Variants in FBXL20 observed in about 807,000 individuals in gnomAD.
FBXL20 encodes the protein F-box/LRR-repeat protein 20.
A neutral mutation model predicts 64.0 loss-of-function variants in FBXL20; 11 were observed. That is an observed-to-expected ratio of 0.17 (90% CI 0.11 to 0.28). FBXL20 has a LOEUF of 0.28. FBXL20 is among the 10% of genes least tolerant of loss of function. FBXL20 has a pLI of 1.00. For synonymous variants in FBXL20, 184 were observed against 189.0 expected (o/e 0.97, Z 0.22); for missense variants, 303 against 526.2 (o/e 0.58, Z 4.15).
intron 10 of FBXL20, among the ~76,000 whole-genome samples, chr17:39,274,671 C>T (rs1345735045): frequency 6.6e-6 from 1 of 152,134 alleles, no homozygotes; most frequent in African/African-American, 2.4e-5. Flanking sequence ...AAGAATTATA[C>T]AAAAGCATTA....
intron 2 of FBXL20, among the ~76,000 whole-genome samples, chr17:39,318,736 A>C (rs1175786044): frequency 1.3e-5 from 2 of 151,812 alleles, no homozygotes; most frequent in Non-Finnish European, 2.9e-5. Context: ...GCCAAACTCC[A>C]TCTTAAACAA....
chr17:39,274,057 T>C (rs2046869967), intron 10 of FBXL20, among the ~76,000 whole-genome samples: 1 of 152,074 alleles, frequency 6.6e-6, no homozygotes, highest in Middle Eastern at 3.4e-3. Context: ...TTATTTTTTG[T>C]AGTGACAGGG....
At chr17:39,289,186 G>C (rs938822535) in intron 6 of FBXL20, among the ~76,000 whole-genome samples, 1 of 152,104 alleles carries the variant, frequency 6.6e-6, no homozygotes, top group Non-Finnish European at 1.5e-5. Context: ...AAATCAGGTA[G>C]TATAAGTCCC....
intron 2 of FBXL20, among the ~76,000 whole-genome samples, chr17:39,329,719 C>T (rs1156747714): frequency 6.6e-6 from 1 of 152,042 alleles, no homozygotes; most frequent in African/African-American, 2.4e-5. Flanking sequence ...GAAAAAAGGT[C>T]GGGTATGGTG....
intron 6 of FBXL20, 29 bp from the exon 7 acceptor site, chr17:39,285,602 G>T: frequency 7.0e-7 from 1 of 1,429,680 alleles, no homozygotes; most frequent in South Asian, 1.3e-5. Context: ...AGAAAATAAT[G>T]AATAAACAAG....
intron 1 of FBXL20, 126 bp downstream of exon 1, chr17:39,401,235 T>C (rs937810786): frequency 3.1e-5 from 49 of 1,557,036 alleles, no homozygotes; most frequent in Non-Finnish European, 4.2e-5. Context: ...GAGCGGAGTC[T>C]GGCAGCCCCG....
intron 1 of FBXL20, among the ~76,000 whole-genome samples, chr17:39,369,713 T>C (rs1440718085): frequency 6.6e-6 from 1 of 151,952 alleles, no homozygotes; most frequent in Non-Finnish European, 1.5e-5. Context: ...GGTATGATCA[T>C]TTCTCACTGC....
At position 39,303,443 on chromosome 17, in the gene FBXL20, GGGTATGTCATT is replaced by G; in HGVS notation, c.159+131_159+141del. 8.4e-6 allele frequency: 5 copies of G among 597,474 alleles called. No individual in the cohort carries two copies. In the South Asian group the frequency reaches 1.6e-4, roughly 19 times the overall value. The allele number at this position is 597,474 out of a possible 1,614,324, so 37.0% of individuals were successfully genotyped here. Reference sequence around the variant, plus strand: ...TCCCATCATAAATTTACATGGGTTTGGGTATGTCATTGGTGAAATAATCTCCTTTAAAACAT... The same window carrying G: ...TCCCATCATAAATTTACATGGGTTTGGGTGAAATAATCTCCTTTAAAACAT... On this transcript the variant is annotated intron_variant, in intron 3 of 14. Coordinates refer to ENST00000264658, the MANE Select transcript of FBXL20 (RefSeq NM_032875.3).
intron 1 of FBXL20, among the ~76,000 whole-genome samples, chr17:39,391,824 T>C (rs1322326875): frequency 2.0e-5 from 3 of 151,988 alleles, no homozygotes; most frequent in Non-Finnish European, 1.5e-5. Context: ...TTCTTTTTCT[T>C]TTCCGCAACT....
At chr17:39,335,950 G>A (rs919190185) in intron 2 of FBXL20, among the ~76,000 whole-genome samples, 2 of 152,094 alleles carry the variant, frequency 1.3e-5, no homozygotes, top group South Asian at 4.2e-4. Context: ...AAACCAGCCT[G>A]GTCAACAAAG....
intron 1 of FBXL20, among the ~76,000 whole-genome samples, chr17:39,397,431 T>C (rs575462116): frequency 9.3e-4 from 141 of 152,316 alleles, no homozygotes; most frequent in Non-Finnish European, 1.8e-3. Flanking sequence ...TATCTGAATG[T>C]CAGTTAATGT....
chr17:39,289,008 A>G (rs1242265058), intron 6 of FBXL20, among the ~76,000 whole-genome samples: 1 of 152,150 alleles, frequency 6.6e-6, no homozygotes, highest in Non-Finnish European at 1.5e-5. Flanking sequence ...TGGCAGAAGC[A>G]TAAAGGTTTT....
At chr17:39,340,138 T>C (rs932162518) in intron 2 of FBXL20, among the ~76,000 whole-genome samples, 13 of 151,998 alleles carry the variant, frequency 8.6e-5, no homozygotes, top group African/African-American at 3.1e-4. Context: ...CGCTCTGTTG[T>C]GAGGCTGGAG....
chr17:39,268,562 G>A (rs888399418), intron 12 of FBXL20, among the ~76,000 whole-genome samples: 5 of 152,048 alleles, frequency 3.3e-5, no homozygotes, highest in African/African-American at 9.7e-5. Flanking sequence ...CAGGTCTAAG[G>A]AAATATTTTT....
In FBXL20 at chr17:39,284,555, A is replaced by AT. The variant is rs767854301; in HGVS notation, c.494+922dup. ...GCCACCACGCCTGGCAAATTTTCTT[A>AT]TTTTTTTTAGTAGAGACAGGGTTTC... On this transcript the variant is annotated intron_variant, in intron 7 of 14. Transcript: ENST00000264658. Among the ~76,000 whole-genome samples the AT allele has an allele frequency of 1.0e-3, 157 of 151,388 alleles. 1 individual carries two copies. The highest frequency in any genetic ancestry group is 1.5e-3 in the Non-Finnish European group (99 of 67,768).
chr17:39,281,541 C>A, intron 8 of FBXL20, 78 bp from the exon 9 acceptor site: 2 of 1,207,200 alleles, frequency 1.7e-6, no homozygotes, highest in Admixed American at 4.2e-5. Context: ...TGTACACATT[C>A]ATTCATACAT....
intron 1 of FBXL20, among the ~76,000 whole-genome samples, chr17:39,366,335 T>C (rs2144625736): frequency 6.6e-6 from 1 of 152,342 alleles, no homozygotes; most frequent in Admixed American, 6.5e-5. Context: ...ATCTGTCACA[T>C]CTGAATATTT....
At chr17:39,342,797 G>A (rs1282769207) in intron 2 of FBXL20, among the ~76,000 whole-genome samples, 1 of 152,130 alleles carries the variant, frequency 6.6e-6, no homozygotes, top group Non-Finnish European at 1.5e-5. Flanking sequence ...TGGGAGGACT[G>A]CTTGAGCCTG....
chr17:39,285,992 A>G (rs1444598466), intron 6 of FBXL20, among the ~76,000 whole-genome samples: 1 of 152,222 alleles, frequency 6.6e-6, no homozygotes, highest in East Asian at 1.9e-4. Flanking sequence ...TACTCAAGAT[A>G]ACCTTTTGCA....
Sources: gnomAD v4.1 joint callset for allele counts (sites outside exome capture counted in the v4.1 genomes callset) on GRCh38, gnomAD v4.1.1 for gene constraint, MANE v1.5 for transcripts, NCBI Gene and HGNC (gene_info 2026-07-23, HGNC 2026-07-21) for gene names.